JMJD1C: variants seen among roughly 807,000 people sequenced by gnomAD.
JMJD1C encodes the protein jumonji domain-containing protein 1C.
In JMJD1C, 31 loss-of-function variants were observed where a neutral mutation model predicts 245.3. The ratio of observed to expected loss-of-function variants is 0.13; its 90% CI spans 0.09 to 0.17. The LOEUF is 0.17. Among genes scored for constraint, JMJD1C ranks in the 10% least tolerant of loss-of-function variants. The pLI is 1.00. For synonymous variants in JMJD1C, 1,057 were observed against 1,017.4 expected (o/e 1.04, Z -0.74); for missense variants, 2,691 against 3,000.2 (o/e 0.90, Z 2.41).
intron 1 of JMJD1C, among the ~76,000 whole-genome samples, chr10:63,428,464 A>C (rs1373721394): frequency 6.6e-6 from 1 of 152,258 alleles, no homozygotes; most frequent in African/African-American, 2.4e-5. Context: ...AGGTCAAAGA[A>C]ATCAACTGAA....
At chr10:63,337,608 G>GAAAAAGAAAAAGA (rs368646381) in intron 2 of JMJD1C, among the ~76,000 whole-genome samples, 1 of 92,486 alleles carries the variant, frequency 1.1e-5, no homozygotes, top group African/African-American at 6.6e-5. Flanking sequence ...GAAAAGAAAA[G>GAAAAAGAAAAAGA]AAAAGAAAAG....
intron 1 of JMJD1C, among the ~76,000 whole-genome samples, chr10:63,401,781 G>A (rs1312424396): frequency 1.3e-5 from 2 of 151,964 alleles, no homozygotes; most frequent in Admixed American, 6.6e-5. Context: ...GAAGTGGGGC[G>A]TTCAGGAGTT....
chr10:63,404,222 T>A (rs919293926), intron 1 of JMJD1C, among the ~76,000 whole-genome samples: 11 of 151,670 alleles, frequency 7.3e-5, no homozygotes, highest in African/African-American at 2.4e-4. Context: ...TTAAAAAGAG[T>A]AAGGACACAT....
chr10:63,179,261 T>C (rs113783360), intron 22 of JMJD1C, among the ~76,000 whole-genome samples: 5,326 of 151,880 alleles, frequency 0.035, 291 homozygotes, highest in East Asian at 0.26. Flanking sequence ...AATACAAAAT[T>C]AGCTGGGTGT....
chr10:63,305,627 G>GGTGTGTGTGTGTGTGTGT (rs1420500276), intron 2 of JMJD1C, among the ~76,000 whole-genome samples: 6 of 58,610 alleles, frequency 1.0e-4, no homozygotes, highest in South Asian at 5.6e-4. Context: ...CCACCATGCT[G>GGTGTGTGTGTGTGTGTGT]GCGTGTGTGT....
At chr10:63,484,236 GGATAGATAGATA>G (rs142291507) in intron 1 of JMJD1C, among the ~76,000 whole-genome samples, 9,230 of 92,524 alleles carry the variant, frequency 0.1, 623 homozygotes, top group African/African-American at 0.19. Flanking sequence ...ATGGATGGAT[GGATAGATAGATA>G]GATAGATAGA....
At chr10:63,348,628 G>C (rs1944060262) in intron 2 of JMJD1C, among the ~76,000 whole-genome samples, 1 of 152,116 alleles carries the variant, frequency 6.6e-6, no homozygotes, top group African/African-American at 2.4e-5. Flanking sequence ...TCATACAAAG[G>C]TGACTGATAC....
intron 1 of JMJD1C, among the ~76,000 whole-genome samples, chr10:63,505,316 C>CAAAA (rs145038480): frequency 3.5e-5 from 2 of 57,308 alleles, no homozygotes; most frequent in Non-Finnish European, 7.4e-5. Flanking sequence ...GAGTCCGTCT[C>CAAAA]AAAAAAAAAA....
chr10:63,437,298 C>T (rs936843079), intron 1 of JMJD1C, among the ~76,000 whole-genome samples: 3 of 152,152 alleles, frequency 2.0e-5, no homozygotes, highest in South Asian at 2.1e-4. Flanking sequence ...CCCTAGATGA[C>T]TATTTCATAA....
intron 10 of JMJD1C, 118 bp from the exon 11 acceptor site, chr10:63,200,795 A>C: frequency 1.2e-6 from 1 of 845,284 alleles, no homozygotes; most frequent in Non-Finnish European, 1.9e-6. Context: ...TTAGTAAAGA[A>C]GCAAAGACAT....
At chr10:63,416,739 C>A (rs1949828293) in intron 1 of JMJD1C, among the ~76,000 whole-genome samples, 1 of 152,086 alleles carries the variant, frequency 6.6e-6, no homozygotes. Flanking sequence ...CAAAGCCACC[C>A]CCTTATCACA....
chr10:63,214,118 T>A lies in JMJD1C; in HGVS notation c.2049A>T (p.Arg683Ser). ...GAGTAGGAATTGGATGAAAACTGCATCTTGATAGCTCATGTTCTATCTTAT... is the reference window on the plus strand; with the variant it reads ...GAGTAGGAATTGGATGAAAACTGCAACTTGATAGCTCATGTTCTATCTTAT... ...LANKIEHELS[R>S]CSFHPIPTRS... Residue 683 changes from arginine (R) to serine (S), a missense_variant, in exon 8 of 26, where the codon AGA becomes AGT. Arg to Ser is a moderately radical substitution (Grantham distance 110). This residue lies in a region of JMJD1C where 1,562 missense variants were observed against 1,490.7 expected (regional missense o/e 1.05). Transcript: ENST00000399262. 2 of 1,614,216 alleles carry A rather than the reference T, an allele frequency of 1.2e-6. No individual in the cohort carries two copies. The highest frequency in any genetic ancestry group is 1.7e-6 in the Non-Finnish European group (2 of 1,180,030).
intron 1 of JMJD1C, among the ~76,000 whole-genome samples, chr10:63,458,171 G>A (rs182048060): frequency 3.9e-5 from 6 of 152,236 alleles, no homozygotes; most frequent in Admixed American, 3.9e-4. Flanking sequence ...TTCTTTGTCA[G>A]ATTAAGAATT....
intron 1 of JMJD1C, among the ~76,000 whole-genome samples, chr10:63,429,410 G>A (rs906785081): frequency 2.0e-5 from 3 of 152,118 alleles, no homozygotes; most frequent in African/African-American, 7.2e-5. Context: ...GCAATATTAG[G>A]ATGCACAATT....
intron 2 of JMJD1C, among the ~76,000 whole-genome samples, chr10:63,379,249 A>AT (rs1285451108): frequency 1.3e-5 from 2 of 152,288 alleles, no homozygotes; most frequent in East Asian, 3.9e-4. Flanking sequence ...CTCATTAGTT[A>AT]TATCAAATAC....
At chr10:63,228,950 A>T (rs1849640888) in intron 3 of JMJD1C, among the ~76,000 whole-genome samples, 1 of 152,182 alleles carries the variant, frequency 6.6e-6, no homozygotes, top group Non-Finnish European at 1.5e-5. Flanking sequence ...GCAAGATAAG[A>T]TTTCCTCCAT....
chr10:63,178,604 A>G (rs1323173245), intron 22 of JMJD1C, among the ~76,000 whole-genome samples: 3 of 152,214 alleles, frequency 2.0e-5, no homozygotes, highest in African/African-American at 7.2e-5. Context: ...ACCATGACTA[A>G]TGAACGGCAG....
intron 3 of JMJD1C, among the ~76,000 whole-genome samples, chr10:63,245,133 CAAAAAAAAAAAAAA>C (rs71025133): frequency 4.6e-5 from 3 of 65,694 alleles, no homozygotes; most frequent in Admixed American, 2.3e-4. Flanking sequence ...GACTCTGTCT[CAAAAAAAAAAAAAA>C]AAAAAAAAAA....
chr10:63,380,624 G>C (rs724553), intron 1 of JMJD1C, 142 bp from the exon 2 acceptor site: 99,859 of 623,462 alleles, frequency 0.16, 10,093 homozygotes, highest in Admixed American at 0.32. Flanking sequence ...GATCAAATCA[G>C]GGTAATTAGA....
Sources: gnomAD v4.1 joint callset for allele counts (sites outside exome capture counted in the v4.1 genomes callset) on GRCh38, gnomAD v4.1.1 for gene constraint, gnomAD v4.1.1 regional missense constraint, MANE v1.5 for transcripts, NCBI Gene and HGNC (gene_info 2026-07-23, HGNC 2026-07-21) for gene names.